NLRP9: variants seen among roughly 807,000 people sequenced by gnomAD.
NLRP9 encodes the protein NACHT, LRR and PYD domains-containing protein 9.
Under a neutral mutation model 83.1 loss-of-function variants are expected in NLRP9, and 88 were observed. The observed-to-expected ratio is 1.06, with a 90% CI of 0.89 to 1.26. NLRP9 has a LOEUF of 1.26. Ranked by LOEUF, NLRP9 falls within the 50% of genes most tolerant of loss-of-function variation. The pLI, the probability that NLRP9 is intolerant of heterozygous loss-of-function variation, is 0.00. For missense variants in NLRP9, 1,308 were observed against 1,179.3 expected (o/e 1.11, Z -1.60); for synonymous variants, 521 against 447.6 (o/e 1.16, Z -2.07).
In NLRP9 at chr19:55,733,427, A is replaced by T. The variant is rs768809570; in HGVS notation, c.404T>A (p.Leu135Ter). The T allele has an allele frequency of 1.2e-6, 2 of 1,613,968 alleles. No individual in the cohort carries two copies. Among genetic ancestry groups the T allele is most frequent in the Non-Finnish European group, 1.7e-6 (2 of 1,179,886 alleles). Residue 135 changes from leucine to a stop codon, truncating the protein, a stop_gained, in exon 2 of 9, where the codon TTG (leucine) becomes TAG (stop). Coordinates refer to ENST00000332836, the MANE Select transcript of NLRP9 (RefSeq NM_176820.4). LOFTEE classifies it high-confidence loss of function. ...KETMKNEYKE[L>*]NDAYTAAARR... ...AGCCGCAGCAGTATATGCGTCATTC[A>T]ATTCTTTATACTCATTTTTCATGGT...
Position 55,733,493 on chromosome 19 carries a change from T to C in NLRP9, c.338A>G (p.Lys113Arg), listed in dbSNP as rs534639462. ...MKETFQLIWE[K>R]ETCLHVPEHF... ...CTCAGGGACGTGAAGACAGGTTTCC[T>C]TCTCCCATATGAGTTGAAATGTTTC... The change falls in exon 2 of 9, where the codon AAG becomes AGG. Residue 113 changes from lysine to arginine, a missense_variant. Lys to Arg is a conservative substitution (Grantham distance 26, BLOSUM62 2). Transcript: ENST00000332836. 6.2e-7 allele frequency: 1 copy of C among 1,612,186 alleles called. No homozygotes were observed. Among genetic ancestry groups the C allele is most frequent in the African/African-American group, 1.3e-5 (1 of 74,830 alleles).
intron 2 of NLRP9, among the ~76,000 whole-genome samples, chr19:55,730,520 A>G (rs1032564757): frequency 1.3e-5 from 2 of 152,160 alleles, no homozygotes; most frequent in Non-Finnish European, 2.9e-5. Flanking sequence ...ATGCCCATCA[A>G]TGATAGACTG....
intron 1 of NLRP9, among the ~76,000 whole-genome samples, chr19:55,733,919 A>ATTTTTT (rs765779528): frequency 0.062 from 7,290 of 117,446 alleles, 589 homozygotes; most frequent in African/African-American, 0.098. Context: ...TGTCAACCAA[A>ATTTTTT]TTTTTTTTTT....
chr19:55,726,770 C>T (rs1042948346), intron 3 of NLRP9, among the ~76,000 whole-genome samples: 3 of 152,092 alleles, frequency 2.0e-5, no homozygotes, highest in South Asian at 2.1e-4. Flanking sequence ...GCATTAGAAT[C>T]GATGTTGAAG....
rs750361814 is a variant in NLRP9 at position 55,709,054 on chromosome 19, TAGAA to T, written c.2844-14_2844-11del. On this transcript the variant is annotated splice_polypyrimidine_tract_variant and intron_variant, in intron 8 of 8. Transcript: ENST00000332836. ...GCCAGATTTGTGCAGCCTGGGAAAA[TAGAA>T]ATAAAGTTTTTTTTTTTGTTTTTCA... The T allele has an allele frequency of 1.3e-5, 20 of 1,553,726 alleles. No homozygotes were observed. The highest frequency in any genetic ancestry group is 2.6e-6 in the Non-Finnish European group (3 of 1,160,664).
intron 7 of NLRP9, among the ~76,000 whole-genome samples, chr19:55,712,194 T>C (rs1987761719): frequency 6.6e-6 from 1 of 152,132 alleles, no homozygotes; most frequent in Admixed American, 6.6e-5. Context: ...GGGGCGCTGC[T>C]AAAGACCCTA....
chr19:55,718,485 C>A (rs185425900), intron 4 of NLRP9, among the ~76,000 whole-genome samples: 1 of 152,150 alleles, frequency 6.6e-6, no homozygotes, highest in African/African-American at 2.4e-5. Context: ...TGGCTGGAGG[C>A]GAGATATGCT....
In NLRP9 at chr19:55,732,198, G is replaced by C; in HGVS notation, c.1633C>G (p.Leu545Val). 1 of 1,613,556 alleles carries C rather than the reference G, an allele frequency of 6.2e-7. No homozygotes were observed. Among genetic ancestry groups the C allele is most frequent in the Non-Finnish European group, 8.5e-7 (1 of 1,179,770 alleles). ...TGAGTTTCAAACAAACCAATGAATA[G>C]TTCCTGGAAAGCTATGGCTTCCCTA... ...ADREAIAFQE[L>V]FIGLFETQEK... is the part of the protein sequence containing the mutation. The change falls in exon 2 of 9, where the codon CTA (leucine) becomes GTA (valine). Residue 545 changes from leucine to valine, a missense_variant. Leu to Val is a conservative substitution (Grantham distance 32). Coordinates refer to ENST00000332836, the MANE Select transcript of NLRP9 (RefSeq NM_176820.4).
At chr19:55,717,866 C>A (rs116018716) in intron 4 of NLRP9, among the ~76,000 whole-genome samples, 1 of 152,212 alleles carries the variant, frequency 6.6e-6, no homozygotes, top group Non-Finnish European at 1.5e-5. Flanking sequence ...CACATCCACA[C>A]GCCACGCCCC....
At chr19:55,725,331 C>T (rs1048908733) in intron 3 of NLRP9, among the ~76,000 whole-genome samples, 2 of 152,222 alleles carry the variant, frequency 1.3e-5, no homozygotes, top group African/African-American at 2.4e-5. Context: ...ACCAGACACA[C>T]GTAAGAATAA....
At chr19:55,716,664 T>C (rs554042671) in intron 5 of NLRP9, 64 bp downstream of exon 5, 124 of 1,395,704 alleles carry the variant, frequency 8.9e-5, no homozygotes, top group Non-Finnish European at 1.2e-4. Flanking sequence ...GTTGCTTTGA[T>C]AATGGGTGGA....
intron 3 of NLRP9, among the ~76,000 whole-genome samples, chr19:55,728,152 T>C (rs1343378207): frequency 1.3e-5 from 2 of 152,194 alleles, no homozygotes; most frequent in Non-Finnish European, 2.9e-5. Context: ...CTGCCTAGCA[T>C]GAACCAAAAT....
chr19:55,727,353 C>T (rs1988432957), intron 3 of NLRP9, among the ~76,000 whole-genome samples: 1 of 152,212 alleles, frequency 6.6e-6, no homozygotes, highest in Admixed American at 6.5e-5. Context: ...AGGAAGGACA[C>T]GTGCATCTTA....
At position 55,724,029 on chromosome 19, in the gene NLRP9, G is replaced by A. The variant is rs1263490161; in HGVS notation, c.2110C>T (p.His704Tyr). 1 of 1,613,898 alleles carries A rather than the reference G, an allele frequency of 6.2e-7. No homozygotes were observed. The highest frequency in any genetic ancestry group is 8.5e-7 in the Non-Finnish European group (1 of 1,179,870). ...GTSLSQSDIR[H>Y]LCETLKHPMC... The stretch of plus-strand genomic sequence containing the variant: ...GGATGTTTCAGCGTCTCACACAGGT[G>A]TCTGATGTCAGACTGGGAGAGGCTA... Residue 704 changes from histidine (H) to tyrosine (Y), a missense_variant, in exon 4 of 9, where the codon CAC becomes TAC. By Grantham distance (83) the His-to-Tyr change is moderately conservative. Coordinates refer to ENST00000332836, the MANE Select transcript of NLRP9 (RefSeq NM_176820.4).
chr19:55,712,572 A>C lies in NLRP9; in HGVS notation c.2520T>G (p.Leu840=), dbSNP rs1987780920. 1 of 1,612,414 alleles carries C rather than the reference A, an allele frequency of 6.2e-7. No homozygotes were observed. Among genetic ancestry groups the C allele is most frequent in the Non-Finnish European group, 8.5e-7 (1 of 1,179,862 alleles). Residue 840 remains leucine, a synonymous_variant, in exon 7 of 9, where the codon CTT becomes CTG. Transcript: ENST00000332836. ...CAATGTCCTTACAGGAATCGGAAGTAAGGAAACAGCCCATCAACCTGGGGA... is the reference window on the plus strand; with the variant it reads ...CAATGTCCTTACAGGAATCGGAAGTCAGGAAACAGCCCATCAACCTGGGGA... ...IRELWLMGCF[L]TSDSCKDIAA...
At chr19:55,716,257 C>CTTTTTTT (rs931275248) in intron 5 of NLRP9, among the ~76,000 whole-genome samples, 9 of 117,814 alleles carry the variant, frequency 7.6e-5, no homozygotes, top group South Asian at 2.8e-4. Context: ...TAAAAATTTT[C>CTTTTTTT]TTTTTTTTTT....
intron 8 of NLRP9, chr19:55,709,392 A>C (rs1162654729): frequency 1.3e-5 from 2 of 157,964 alleles, no homozygotes; most frequent in Non-Finnish European, 2.8e-5. Flanking sequence ...AAAAAAAAAA[A>C]ACATGAGCTT....
At chr19:55,713,739 T>G (rs1190073701) in intron 6 of NLRP9, among the ~76,000 whole-genome samples, 2 of 114 alleles carry the variant, frequency 0.018, no homozygotes, top group African/African-American at 0.071. Flanking sequence ...TCTTCCCCCC[T>G]CCTCCCCACC....
In NLRP9 at chr19:55,733,265, TCA is replaced by T. The variant is rs1211261920; in HGVS notation, c.564_565del (p.Cys188Ter). ...GCTGGTCTCTGCGATACCGTTCATT[TCA>T]CAGACATTGAGGAAAAACACAAATG... On this transcript the variant is annotated stop_gained and frameshift_variant, in exon 2 of 9. Coordinates refer to ENST00000332836, the MANE Select transcript of NLRP9 (RefSeq NM_176820.4). LOFTEE classifies it high-confidence loss of function. The T allele has an allele frequency of 1.9e-6, 3 of 1,613,986 alleles. No individual in the cohort carries two copies. Among genetic ancestry groups the T allele is most frequent in the East Asian group, 4.5e-5 (2 of 44,898 alleles).
Sources: gnomAD v4.1 joint callset for allele counts (sites outside exome capture counted in the v4.1 genomes callset) on GRCh38, gnomAD v4.1.1 for gene constraint, MANE v1.5 for transcripts, NCBI Gene and HGNC (gene_info 2026-07-23, HGNC 2026-07-21) for gene names.